Variants in EXOC3L2 observed in about 807,000 individuals in gnomAD.
EXOC3L2 encodes exocyst complex component 3-like protein 2.
In EXOC3L2, 17 loss-of-function variants were observed where a neutral mutation model predicts 44.4. The observed-to-expected ratio is 0.38, with a 90% CI of 0.26 to 0.57. The LOEUF is 0.57. EXOC3L2 is among the 20% of genes least tolerant of loss of function. EXOC3L2 has a pLI of 0.65. For missense variants in EXOC3L2, 541 were observed against 588.4 expected, an observed-to-expected ratio of 0.92 and a Z score of 0.83; for synonymous variants, 256 against 253.7, an observed-to-expected ratio of 1.01 and a Z score of -0.09.
chr19:45,225,031 TGAGA>T, intron 7 of EXOC3L2, 118 bp from the exon 8 acceptor site: 1 of 1,254,660 alleles, frequency 8.0e-7, no homozygotes, highest in Non-Finnish European at 1.0e-6. Flanking sequence ...GATGGGGGGC[TGAGA>T]AAGGTCAGGG....
intron 3 of EXOC3L2, among the ~76,000 whole-genome samples, chr19:45,233,495 A>C (rs1048821709): frequency 6.6e-6 from 1 of 152,192 alleles, no homozygotes; most frequent in African/African-American, 2.4e-5. Context: ...CTAGGAAGGA[A>C]TGGTCAACAG....
intron 4 of EXOC3L2, among the ~76,000 whole-genome samples, chr19:45,230,312 G>C (rs955108149): frequency 6.6e-6 from 1 of 152,116 alleles, no homozygotes; most frequent in Non-Finnish European, 1.5e-5. Flanking sequence ...TCCGTCTCCC[G>C]GGTTCACGCC....
At position 45,215,565 on chromosome 19, in the gene EXOC3L2, GGATGATGAT is replaced by G. The variant is rs369100560; in HGVS notation, c.2120+499_2120+507del. On this transcript the variant is annotated intron_variant, in intron 11 of 11. Transcript: ENST00000413988. ...GAACTGGAATTGTTACTATAGTCAT[GGATGATGAT>G]GATGATGATGATGATGATAAATTTC... is the stretch of plus-strand genomic sequence containing the variant. Among the ~76,000 whole-genome samples, 79 of 152,038 alleles carry G rather than the reference GGATGATGAT, an allele frequency of 5.2e-4. 1 individual carries two copies. Among genetic ancestry groups the G allele is most frequent in the African/African-American group, 1.8e-3 (73 of 41,482 alleles).
chr19:45,215,724 T>G (rs997398992), intron 11 of EXOC3L2, among the ~76,000 whole-genome samples: 1 of 152,154 alleles, frequency 6.6e-6, no homozygotes, highest in African/African-American at 2.4e-5. Context: ...CGCCTGCCGC[T>G]GTCCCAGTGC....
rs753678688 is a variant in EXOC3L2 at position 45,227,675 on chromosome 19, C to A, written c.1570G>T (p.Gly524Cys). 1 of 1,611,288 alleles carries A rather than the reference C, an allele frequency of 6.2e-7. No individual in the cohort carries two copies. The highest frequency in any genetic ancestry group is 1.1e-5 in the South Asian group (1 of 89,974). The change falls in exon 7 of 12, where the codon GGC (glycine) becomes TGC (cysteine). Residue 524 changes from glycine to cysteine, a missense_variant. Gly to Cys is a radical substitution (Grantham distance 159). Transcript: ENST00000413988. ...ISKTIALVNC[G>C]PPLRALAERL... The stretch of plus-strand genomic sequence containing the variant: ...GGATGCCCTCACCTCAGTGGGGGGC[C>A]GCAGTTGACCAGGGCGATGGTCTTG...
At chr19:45,216,292 G>C (rs961580212) in intron 10 of EXOC3L2, 98 bp from the exon 11 acceptor site, 1 of 1,468,976 alleles carries the variant, frequency 6.8e-7, no homozygotes, top group Non-Finnish European at 9.1e-7. Flanking sequence ...AAATGTAGCA[G>C]AAACCAGGGG....
intron 8 of EXOC3L2, among the ~76,000 whole-genome samples, chr19:45,218,908 G>C (rs777208606): frequency 3.9e-5 from 6 of 151,968 alleles, no homozygotes; most frequent in Non-Finnish European, 5.9e-5. Flanking sequence ...GACCAGCCTG[G>C]GCAACATTGC....
At position 45,224,797 on chromosome 19, in the gene EXOC3L2, AG is replaced by A. The variant is rs1404013873; in HGVS notation, c.1699del (p.Leu567CysfsTer13). On this transcript the variant is annotated frameshift_variant, in exon 8 of 12. Coordinates refer to ENST00000413988, the MANE Select transcript of EXOC3L2 (RefSeq NM_001382422.1). LOFTEE classifies it high-confidence loss of function. ...TRLCHRVVAN[L>X]LFQELQPHFN... Reference sequence around the variant, plus strand: ...ACTCACCTGCAGCTCCTGGAACAGCAGGTTGGCCACGACACGGTGGCAGAGC... The same window carrying A: ...ACTCACCTGCAGCTCCTGGAACAGCAGTTGGCCACGACACGGTGGCAGAGC... 1 of 1,561,070 alleles carries A rather than the reference AG, an allele frequency of 6.4e-7. No individual in the cohort carries two copies. The highest frequency in any genetic ancestry group is 1.9e-5 in the Admixed American group (1 of 51,898).
In EXOC3L2 at chr19:45,213,369, G is replaced by A. The variant is rs933512365; in HGVS notation, c.2121-12C>T. 2.5e-6 allele frequency: 4 copies of A among 1,612,144 alleles called. No individual in the cohort carries two copies. In the East Asian group the frequency reaches 6.7e-5, roughly 27 times the overall value. On this transcript the variant is annotated splice_polypyrimidine_tract_variant and intron_variant, in intron 11 of 11. Coordinates refer to ENST00000413988, the MANE Select transcript of EXOC3L2 (RefSeq NM_001382422.1). ...CCACGTGCTTCTGCCTGTGGGGAGA[G>A]GAACAGACAGGTGCATGCAGATCCC...
chr19:45,239,059 G>T lies in EXOC3L2; in HGVS notation c.-14C>A, dbSNP rs1970108845. 2.5e-6 allele frequency: 1 copy of T among 399,132 alleles called. No individual in the cohort carries two copies. Among genetic ancestry groups the T allele is most frequent in the Non-Finnish European group, 4.4e-6 (1 of 226,154 alleles). 24.7% of individuals were successfully genotyped at this position (399,132 alleles called of 1,614,324 possible). On this transcript the variant is annotated splice_region_variant and 5_prime_UTR_variant, in exon 2 of 12. Coordinates refer to ENST00000413988, the MANE Select transcript of EXOC3L2 (RefSeq NM_001382422.1). ...CAGGATAGGCATTTTGACAGGTGGG[G>T]ACCTGGGGAAAAAAATAATGACCAT...
intron 1 of EXOC3L2, among the ~76,000 whole-genome samples, chr19:45,245,014 C>T (rs1271022295): frequency 6.6e-6 from 1 of 151,980 alleles, no homozygotes; most frequent in African/African-American, 2.4e-5. Context: ...AGTCTTCCCG[C>T]CCAGACTCGC....
At chr19:45,231,623 AC>A (rs2122981717) in intron 4 of EXOC3L2, 139 bp downstream of exon 4, 1 of 661,090 alleles carries the variant, frequency 1.5e-6, no homozygotes, top group East Asian at 2.8e-5. Context: ...TGTCTATGGC[AC>A]ATGGATAGAA....
At position 45,217,632 on chromosome 19, in the gene EXOC3L2, G is replaced by A; in HGVS notation, c.1894C>T (p.Leu632=). 1.4e-6 allele frequency: 2 copies of A among 1,464,160 alleles called. No individual in the cohort carries two copies. Among genetic ancestry groups the A allele is most frequent in the Non-Finnish European group, 1.8e-6 (2 of 1,118,016 alleles). The allele number at this position is 1,464,160 out of a possible 1,614,324, so 90.7% of individuals were successfully genotyped here. The change falls in exon 10 of 12, where the codon CTG becomes TTG. Residue 632 remains leucine (L), a synonymous_variant. Transcript: ENST00000413988. ...RRALVEYVRP[L]LRGRLRCSSA... is the part of the protein sequence containing the mutation. Reference sequence around the variant, plus strand: ...CTGCAGCGCAGGCGCCCACGGAGCAGGGGCCGCACGTACTCGACCAGCGCC... The same window carrying A: ...CTGCAGCGCAGGCGCCCACGGAGCAAGGGCCGCACGTACTCGACCAGCGCC...
At position 45,228,245 on chromosome 19, in the gene EXOC3L2, G is replaced by A; in HGVS notation, c.1291C>T (p.Leu431Phe). 1 of 1,614,092 alleles carries A rather than the reference G, an allele frequency of 6.2e-7. No individual in the cohort carries two copies. Among genetic ancestry groups the A allele is most frequent in the African/African-American group, 1.3e-5 (1 of 75,024 alleles). The change falls in exon 5 of 12, where the codon CTC becomes TTC. Residue 431 changes from leucine to phenylalanine, a missense_variant. Coordinates refer to ENST00000413988, the MANE Select transcript of EXOC3L2 (RefSeq NM_001382422.1). ...TCTTCGTCCTCCTGCAGCACACGGA[G>A]AAGGGCAGCCCGGGTCTGAGCCTAC... ...DVKAQTRAAL[L>F]RVLQEDEEHW...
In EXOC3L2 at chr19:45,224,890, C is replaced by A; in HGVS notation, c.1607G>T (p.Arg536Leu). Reference protein sequence around the residue: ...PLRALAERLARVGPPESEPAR... With the variant: ...PLRALAERLALVGPPESEPAR... ...CGGCTCGCTTTCTGGGGGCCCCACC[C>A]GGGCCAGGCGCTCGGCCAGAGCTCT... The change falls in exon 8 of 12, where the codon CGG (arginine) becomes CTG (leucine). Residue 536 changes from arginine to leucine, a missense_variant. Physicochemically the swap from Arg to Leu is moderately radical, Grantham distance 102 (BLOSUM62 -2). Transcript: ENST00000413988. 5 of 1,558,930 alleles carry A rather than the reference C, an allele frequency of 3.2e-6. No individual in the cohort carries two copies. The South Asian group carries it at 3.6e-5, about 11-fold the overall frequency.
chr19:45,232,589 C>T (rs1970042838), intron 3 of EXOC3L2, among the ~76,000 whole-genome samples: 1 of 152,166 alleles, frequency 6.6e-6, no homozygotes, highest in Non-Finnish European at 1.5e-5. Flanking sequence ...TTGGATGTGG[C>T]TAACTCCCTT....
At position 45,212,597 on chromosome 19, in the gene EXOC3L2, C is replaced by CAT. The variant is rs1185376275; in HGVS notation, c.*471_*472insAT. The CAT allele has an allele frequency of 1.6e-5, 2 of 127,568 alleles. No homozygotes were observed. The highest frequency in any genetic ancestry group is 6.5e-5 in the African/African-American group (2 of 30,546). 7.9% of individuals were successfully genotyped at this position (127,568 alleles called of 1,614,324 possible). ...TCTCTTTGGCCTCTGTTTCCCCCTA[C>CAT]CTTTTTTTTTTTTTTTTTTTTTTGA... On this transcript the variant is annotated 3_prime_UTR_variant, in exon 12 of 12. Transcript: ENST00000413988.
intron 8 of EXOC3L2, among the ~76,000 whole-genome samples, chr19:45,219,393 C>CAAAAAAAAAAAAAA (rs950797638): frequency 0.011 from 567 of 51,420 alleles, 13 homozygotes; most frequent in Non-Finnish European, 0.014. Flanking sequence ...GGCCCCGTCT[C>CAAAAAAAAAAAAAA]AAAAAAAAAA....
At chr19:45,239,099 A>G (rs1471625408) in intron 1 of EXOC3L2, 38 bp from the exon 2 acceptor site, 9 of 397,362 alleles carry the variant, frequency 2.3e-5, no homozygotes, top group Admixed American at 4.4e-5. Flanking sequence ...GATGCTGATG[A>G]CAATGGTGGT....
Sources: gnomAD v4.1 joint callset for allele counts (sites outside exome capture counted in the v4.1 genomes callset) on GRCh38, gnomAD v4.1.1 for gene constraint, MANE v1.5 for transcripts, NCBI Gene and HGNC (gene_info 2026-07-23, HGNC 2026-07-21) for gene names.